Variants in ARHGEF12 observed in about 807,000 individuals in gnomAD.
ARHGEF12 encodes the protein KMT2A/ARHGEF12 fusion protein.
Under a neutral mutation model 211.2 loss-of-function variants are expected in ARHGEF12, and 66 were observed. That is an observed-to-expected ratio of 0.31 (90% CI 0.26 to 0.38). The LOEUF (loss-of-function observed/expected upper bound fraction) is 0.38. ARHGEF12 is among the 10% of genes least tolerant of loss of function. The pLI is 1.00. For missense variants in ARHGEF12, 1,429 were observed against 1,869.5 expected, an observed-to-expected ratio of 0.76 and a Z score of 4.34; for synonymous variants, 592 against 638.4, an observed-to-expected ratio of 0.93 and a Z score of 1.09.
intron 1 of ARHGEF12, among the ~76,000 whole-genome samples, chr11:120,350,579 T>A (rs1317250835): frequency 1.3e-5 from 2 of 152,142 alleles, no homozygotes; most frequent in Admixed American, 1.3e-4. Context: ...ATAATAATGA[T>A]TAAATTGATC....
rs1945548746 is a variant in ARHGEF12, at chr11:120,431,816, ACAGT to A, written c.834_837del (p.Ser279ArgfsTer41). 6.2e-7 allele frequency: 1 copy of A among 1,613,884 alleles called. No individual in the cohort carries two copies. Among genetic ancestry groups the A allele is most frequent in the Non-Finnish European group, 8.5e-7 (1 of 1,179,938 alleles). On this transcript the variant is annotated frameshift_variant, in exon 11 of 41. Coordinates refer to ENST00000397843, the MANE Select transcript of ARHGEF12 (RefSeq NM_015313.3). LOFTEE classifies it high-confidence loss of function. Reference sequence around the variant, plus strand: ...CTCCAGACCTTTAGGGGACACCCTAACAGTCAGTGAGGCAGAAACAGATCCTGGA... The same window carrying A: ...CTCCAGACCTTTAGGGGACACCCTAACAGTGAGGCAGAAACAGATCCTGGA...
At chr11:120,415,175 G>T (rs559322655) in intron 4 of ARHGEF12, among the ~76,000 whole-genome samples, 2 of 151,210 alleles carry the variant, frequency 1.3e-5, no homozygotes, top group Non-Finnish European at 3.0e-5. Flanking sequence ...TGGTTTTTGG[G>T]TTTTTTTTTA....
intron 28 of ARHGEF12, among the ~76,000 whole-genome samples, chr11:120,466,824 A>G (rs1946718309): frequency 6.6e-6 from 1 of 152,246 alleles, no homozygotes; most frequent in Non-Finnish European, 1.5e-5. Context: ...TTGGAATGGC[A>G]GATAACAAAT....
chr11:120,489,127 C>T lies in ARHGEF12; in HGVS notation c.*4050C>T, dbSNP rs1049842885. ...GTCGAGGAGCCTGTAATTAATTTTC[C>T]TGTCAGTGACTGTCAGACATCTTCC... On this transcript the variant is annotated 3_prime_UTR_variant, in exon 41 of 41. Coordinates refer to ENST00000397843, the MANE Select transcript of ARHGEF12 (RefSeq NM_015313.3). The T allele has an allele frequency of 2.2e-5, 5 of 225,748 alleles. No homozygotes were observed. The highest frequency in any genetic ancestry group is 4.5e-5 in the African/African-American group (2 of 44,942). 14.0% of individuals were successfully genotyped at this position (225,748 alleles called of 1,614,324 possible). A position where few individuals can be genotyped will look rare whatever the true frequency, so the allele number is the denominator to read the frequency against.
chr11:120,411,632 C>G (rs1174411103), intron 4 of ARHGEF12: 1 of 128,650 alleles, frequency 7.8e-6, no homozygotes, highest in Non-Finnish European at 1.6e-5. Context: ...CTGTGTGGCC[C>G]AGGATGGAGT....
At chr11:120,380,152 A>G (rs1207402923) in intron 1 of ARHGEF12, among the ~76,000 whole-genome samples, 2 of 152,232 alleles carry the variant, frequency 1.3e-5, no homozygotes, top group Non-Finnish European at 2.9e-5. Flanking sequence ...TTCTAGTACC[A>G]TAGACTAATC....
intron 19 of ARHGEF12, 115 bp downstream of exon 19, chr11:120,448,021 C>A: frequency 1.1e-6 from 1 of 894,620 alleles, no homozygotes; most frequent in South Asian, 1.8e-5. Context: ...AGTTTGTGGT[C>A]TCTCTCTGGT....
intron 20 of ARHGEF12, 134 bp from the exon 21 acceptor site, chr11:120,448,975 G>T: frequency 1.5e-6 from 1 of 681,830 alleles, no homozygotes. Context: ...AGTGCTCTGT[G>T]TGCATACACA....
chr11:120,445,566 A>T, intron 16 of ARHGEF12, 102 bp downstream of exon 16: 1 of 1,130,502 alleles, frequency 8.8e-7, no homozygotes. Flanking sequence ...CTAGTCGATC[A>T]CCTGAATCAC....
chr11:120,407,871 C>A, intron 3 of ARHGEF12, 48 bp downstream of exon 3: 1 of 1,529,442 alleles, frequency 6.5e-7, no homozygotes, highest in South Asian at 1.1e-5. Context: ...TAGTGAAGTT[C>A]AGAATAATAG....
Position 120,489,895 on chromosome 11 carries a change from C to T in ARHGEF12, c.*4818C>T, listed in dbSNP as rs561011838. On this transcript the variant is annotated 3_prime_UTR_variant, in exon 41 of 41. Transcript: ENST00000397843. ...ATTCCCACTTGCTCTTTGATAGCCA[C>T]CTCCTAGGAATGGAGACAATAAAAC... The T allele has an allele frequency of 2.5e-4, 46 of 182,206 alleles. No homozygotes were observed. The highest frequency in any genetic ancestry group is 1.0e-3 in the African/African-American group (44 of 42,564). 11.3% of individuals were successfully genotyped at this position (182,206 alleles called of 1,614,324 possible). A position where few individuals can be genotyped will look rare whatever the true frequency, so the allele number is the denominator to read the frequency against.
At chr11:120,353,214 C>T (rs752343566) in intron 1 of ARHGEF12, among the ~76,000 whole-genome samples, 7 of 152,222 alleles carry the variant, frequency 4.6e-5, no homozygotes, top group Non-Finnish European at 8.8e-5. Flanking sequence ...GGTCATCAAT[C>T]TTAGAACTTG....
Position 120,485,667 on chromosome 11 carries a change from T to C in ARHGEF12, c.*590T>C, listed in dbSNP as rs1331158708. The C allele has an allele frequency of 4.3e-6, 1 of 233,796 alleles. No individual in the cohort carries two copies. Among genetic ancestry groups the C allele is most frequent in the African/African-American group, 2.2e-5 (1 of 45,354 alleles). The allele number at this position is 233,796 out of a possible 1,614,324, so 14.5% of individuals were successfully genotyped here. ...GTATTCCAAGCTCTCTGCTGTCCAG[T>C]AGGCTGCTTCTCTGAGGGTCACCTC... On this transcript the variant is annotated 3_prime_UTR_variant, in exon 41 of 41. Transcript: ENST00000397843.
At chr11:120,446,534 C>A (rs1321484963) in intron 17 of ARHGEF12, 26 bp downstream of exon 17, 1 of 1,529,692 alleles carries the variant, frequency 6.5e-7, no homozygotes, top group Non-Finnish European at 8.9e-7. Flanking sequence ...GATAGAATTT[C>A]ATATGATTAT....
At chr11:120,451,206 T>A (rs1189126559) in intron 21 of ARHGEF12, 1 of 218,504 alleles carries the variant, frequency 4.6e-6, no homozygotes. Context: ...TGAGACGGAG[T>A]CTTGCTCTGT....
chr11:120,337,197 G>C lies in ARHGEF12; in HGVS notation c.-47G>C. ...CTGGGGGTGGGGAGGAGGTGTTACT[G>C]TAAAATGCAAGTTGGATAAAAGGAG... is the stretch of plus-strand genomic sequence containing the variant. On this transcript the variant is annotated 5_prime_UTR_variant, in exon 1 of 41. Coordinates refer to ENST00000397843, the MANE Select transcript of ARHGEF12 (RefSeq NM_015313.3). The C allele has an allele frequency of 6.2e-7, 1 of 1,613,692 alleles. No individual in the cohort carries two copies. Among genetic ancestry groups the C allele is most frequent in the Non-Finnish European group, 8.5e-7 (1 of 1,179,574 alleles).
intron 22 of ARHGEF12, among the ~76,000 whole-genome samples, chr11:120,453,548 T>C (rs1426102092): frequency 2.0e-5 from 3 of 152,038 alleles, no homozygotes. Flanking sequence ...GAAAAGACTG[T>C]CTCTACAAAA....
intron 1 of ARHGEF12, among the ~76,000 whole-genome samples, chr11:120,357,619 G>A (rs1308781278): frequency 6.6e-6 from 1 of 152,216 alleles, no homozygotes; most frequent in Non-Finnish European, 1.5e-5. Flanking sequence ...ACCCAGGCTG[G>A]ATTGCAGTGG....
intron 1 of ARHGEF12, chr11:120,337,811 A>T: frequency 1.0e-6 from 1 of 985,460 alleles, no homozygotes. Flanking sequence ...GAATGTTGAC[A>T]TTACCAGTAA....
Sources: allele counts gnomAD v4.1 joint callset (sites outside exome capture counted in the v4.1 genomes callset), GRCh38; gene constraint gnomAD v4.1.1; transcripts MANE v1.5; gene names NCBI Gene and HGNC (gene_info 2026-07-23, HGNC 2026-07-21).